TTLL5: variants seen among roughly 807,000 people sequenced by gnomAD.
The protein encoded by TTLL5 is tubulin polyglutamylase TTLL5.
In TTLL5, 132 loss-of-function variants were observed where a neutral mutation model predicts 168.4. The observed-to-expected ratio is 0.78, with a 90% CI of 0.68 to 0.91. The LOEUF (loss-of-function observed/expected upper bound fraction) is 0.91, where lower values mean the gene tolerates loss of function less well. TTLL5 is among the 40% of genes least tolerant of loss of function. The pLI, the probability that TTLL5 is intolerant of heterozygous loss-of-function variation, is 0.00. For missense variants in TTLL5, 1,545 were observed against 1,581.5 expected (o/e 0.98, Z 0.39); for synonymous variants, 546 against 558.6 (o/e 0.98, Z 0.32).
chr14:75,861,643 TAACCAGGGTTTGGAGC>T (rs1378475951), intron 28 of TTLL5, among the ~76,000 whole-genome samples: 1 of 152,194 alleles, frequency 6.6e-6, no homozygotes, highest in African/African-American at 2.4e-5. Flanking sequence ...TAAGCCCCCT[TAACCAGGGTTTGGAGC>T]AAGGTTGTTC....
intron 7 of TTLL5, among the ~76,000 whole-genome samples, chr14:75,704,304 T>C (rs1886490325): frequency 6.6e-6 from 1 of 152,192 alleles, no homozygotes; most frequent in Non-Finnish European, 1.5e-5. Flanking sequence ...TTTGGGAGGC[T>C]GAGGCGGGCA....
chr14:75,923,982 ATCTTTATTGG>A (rs903025583), intron 31 of TTLL5, among the ~76,000 whole-genome samples: 30 of 150,422 alleles, frequency 2.0e-4, no homozygotes, highest in African/African-American at 7.3e-4. Context: ...GTCTCTTTTG[ATCTTTATTGG>A]TTTAAAGTCT....
chr14:75,809,437 GTTA>G (rs1014312090), intron 27 of TTLL5, among the ~76,000 whole-genome samples: 1 of 152,116 alleles, frequency 6.6e-6, no homozygotes, highest in African/African-American at 2.4e-5. Context: ...GGATTTGGGG[GTTA>G]TTCATATATC....
At chr14:75,931,864 A>G (rs896078560) in intron 31 of TTLL5, among the ~76,000 whole-genome samples, 2 of 152,178 alleles carry the variant, frequency 1.3e-5, no homozygotes, top group African/African-American at 4.8e-5. Context: ...TTTGCCTTCC[A>G]TTGTAACAGA....
chr14:75,922,502 G>C (rs949847154), intron 31 of TTLL5, among the ~76,000 whole-genome samples: 10 of 152,246 alleles, frequency 6.6e-5, no homozygotes, highest in African/African-American at 2.4e-4. Context: ...TGTGGTTTTT[G>C]TCTCTGGTTC....
At position 75,680,615 on chromosome 14, in the gene TTLL5, A is replaced by ATTT. The variant is rs35254410; in HGVS notation, c.182-908_182-906dup. On this transcript the variant is annotated intron_variant, in intron 3 of 31. Transcript: ENST00000298832. Reference sequence around the variant, plus strand: ...ATACAGAGGGCTATCTAGAGCAGGGATTTTTTTTTTTTTTTTTTTTTTTTG... The same window carrying ATTT: ...ATACAGAGGGCTATCTAGAGCAGGGATTTTTTTTTTTTTTTTTTTTTTTTTTTG... Among the ~76,000 whole-genome samples, 86 of 101,982 alleles carry ATTT rather than the reference A, an allele frequency of 8.4e-4. 2 individuals carry two copies. Among genetic ancestry groups the ATTT allele is most frequent in the African/African-American group, 1.7e-3 (42 of 24,716 alleles). 66.9% of individuals were successfully genotyped at this position (101,982 alleles called of 152,430 possible). A position where few individuals can be genotyped will look rare whatever the true frequency, so the allele number is the denominator to read the frequency against.
chr14:75,878,302 G>C (rs1351500017), intron 29 of TTLL5, among the ~76,000 whole-genome samples: 3 of 152,152 alleles, frequency 2.0e-5, no homozygotes, highest in African/African-American at 7.2e-5. Context: ...TAGAAATCTA[G>C]AGATAGGCTC....
At chr14:75,915,271 A>G (rs1272704171) in intron 31 of TTLL5, among the ~76,000 whole-genome samples, 1 of 152,194 alleles carries the variant, frequency 6.6e-6, no homozygotes, top group Non-Finnish European at 1.5e-5. Flanking sequence ...CTAATCTGAC[A>G]GGTGTTGAGT....
At chr14:75,918,650 C>T (rs6420908) in intron 31 of TTLL5, among the ~76,000 whole-genome samples, 146,409 of 152,286 alleles carry the variant, frequency 0.96, 70,429 homozygotes, top group East Asian at 1. Flanking sequence ...ATATACTTAT[C>T]AAAATTATAA....
chr14:75,908,589 T>G (rs1773077204), intron 31 of TTLL5, among the ~76,000 whole-genome samples: 1 of 152,186 alleles, frequency 6.6e-6, no homozygotes, highest in Non-Finnish European at 1.5e-5. Flanking sequence ...AAACGTCAGT[T>G]GTCCTTATCA....
chr14:75,737,347 A>G (rs1241499740), intron 15 of TTLL5, among the ~76,000 whole-genome samples: 2 of 152,202 alleles, frequency 1.3e-5, no homozygotes, highest in East Asian at 3.9e-4. Flanking sequence ...TTGTGCCCTC[A>G]GTGGTGAGAA....
intron 30 of TTLL5, among the ~76,000 whole-genome samples, chr14:75,886,191 A>T (rs2032110655): frequency 1.3e-5 from 2 of 152,204 alleles, no homozygotes; most frequent in Non-Finnish European, 2.9e-5. Context: ...ACAAATATAG[A>T]AGCAATTTCC....
intron 31 of TTLL5, among the ~76,000 whole-genome samples, chr14:75,905,806 C>T (rs755213379): frequency 1.3e-5 from 2 of 152,162 alleles, no homozygotes; most frequent in African/African-American, 2.4e-5. Flanking sequence ...AGTCTGAAGC[C>T]GCAGCAGCTG....
At chr14:75,916,422 A>G (rs575015700) in intron 31 of TTLL5, among the ~76,000 whole-genome samples, 6 of 152,224 alleles carry the variant, frequency 3.9e-5, no homozygotes, top group African/African-American at 1.4e-4. Context: ...CAGGAAGACT[A>G]CTTGAGGCCA....
chr14:75,739,587 A>G (rs189231993), intron 15 of TTLL5, among the ~76,000 whole-genome samples: 25 of 152,216 alleles, frequency 1.6e-4, no homozygotes, highest in African/African-American at 5.3e-4. Context: ...CTCACCAGAA[A>G]TTGTATGGCA....
chr14:75,881,109 T>C (rs2031789784), intron 29 of TTLL5, among the ~76,000 whole-genome samples: 1 of 152,174 alleles, frequency 6.6e-6, no homozygotes, highest in African/African-American at 2.4e-5. Context: ...AGACAGAGTT[T>C]TGCCATGTTG....
intron 28 of TTLL5, among the ~76,000 whole-genome samples, chr14:75,841,971 A>G (rs936816250): frequency 4.6e-5 from 7 of 152,150 alleles, no homozygotes; most frequent in South Asian, 2.1e-4. Flanking sequence ...TTTAACCACT[A>G]TGTCGTTTTT....
intron 31 of TTLL5, among the ~76,000 whole-genome samples, chr14:75,906,098 C>T (rs2033137099): frequency 1.3e-5 from 2 of 152,174 alleles, no homozygotes; most frequent in Admixed American, 1.3e-4. Context: ...TTCGTTGGGT[C>T]CCTGAGACAA....
intron 27 of TTLL5, among the ~76,000 whole-genome samples, chr14:75,795,016 G>T (rs1012149156): frequency 1.3e-5 from 2 of 151,730 alleles, no homozygotes; most frequent in African/African-American, 4.8e-5. Context: ...ACTGACTCCT[G>T]TGTGATATTG....
Sources: gnomAD v4.1 joint callset for allele counts (sites outside exome capture counted in the v4.1 genomes callset) on GRCh38, gnomAD v4.1.1 for gene constraint, MANE v1.5 for transcripts, NCBI Gene and HGNC (gene_info 2026-07-23, HGNC 2026-07-21) for gene names.